The following CDHR3 variants were observed in gnomAD, a reference collection of about 807,000 sequenced individuals.
CDHR3 encodes the protein cadherin-related family member 3.
Under a neutral mutation model 86.6 loss-of-function variants are expected in CDHR3, and 79 were observed. The ratio of observed to expected loss-of-function variants is 0.91; its 90% confidence interval spans 0.76 to 1.10. CDHR3 has a LOEUF of 1.10. Among genes scored for constraint, CDHR3 ranks in the 50% least tolerant of loss-of-function variants. CDHR3 has a pLI of 0.00. For missense variants in CDHR3, 1,081 were observed against 1,077.6 expected (o/e 1.00, Z -0.04); for synonymous variants, 421 against 402.4 (o/e 1.05, Z -0.55).
chr7:106,028,620 T>C, intron 17 of CDHR3, 38 bp downstream of exon 17: 1 of 1,612,330 alleles, frequency 6.2e-7, no homozygotes, highest in Non-Finnish European at 8.5e-7. Context: ...GCATAGACGC[T>C]GGGGGATAGG....
Position 105,974,871 on chromosome 7 carries a change from T to A in CDHR3, c.74T>A (p.Leu25Ter). 6.2e-7 allele frequency: 1 copy of A among 1,613,674 alleles called. No homozygotes were observed. The highest frequency in any genetic ancestry group is 8.5e-7 in the Non-Finnish European group (1 of 1,179,722). ...GGAGAAGCACTACACCTAATCCTCT[T>A]ACCTGCTACAGGCAATGTGGCAGAG... ...SGGEALHLIL[L>*]PATGNVAENS... Residue 25 changes from leucine to a stop codon, truncating the protein, a stop_gained, in exon 2 of 19, where the codon TTA (leucine) becomes TAA (stop). Transcript: ENST00000317716. LOFTEE classifies it high-confidence loss of function.
intron 6 of CDHR3, among the ~76,000 whole-genome samples, chr7:105,998,064 G>A (rs1832542969): frequency 6.6e-6 from 1 of 152,088 alleles, no homozygotes; most frequent in African/African-American, 2.4e-5. Context: ...CCCAGGCTTG[G>A]CTCAGGCAGT....
In CDHR3 at chr7:106,032,718, T is replaced by C; in HGVS notation, c.*21T>C. 6.3e-7 allele frequency: 1 copy of C among 1,589,258 alleles called. No homozygotes were observed. Among genetic ancestry groups the C allele is most frequent in the Admixed American group, 1.7e-5 (1 of 57,770 alleles). ...AGTAAACGGGGTCTAAGGAGGGGCC[T>C]GTCAATCACTGAGATGCTGCCTCAC... is the stretch of plus-strand genomic sequence containing the variant. On this transcript the variant is annotated 3_prime_UTR_variant, in exon 19 of 19. Coordinates refer to ENST00000317716, the MANE Select transcript of CDHR3 (RefSeq NM_152750.5).
At position 106,017,586 on chromosome 7, in the gene CDHR3, C is replaced by CAT. The variant is rs1232169790; in HGVS notation, c.1427-259_1427-258insTA. ...ACAGACACACACACACACACACACA[C>CAT]ACACACACACACACACACACACAAA... On this transcript the variant is annotated intron_variant, in intron 11 of 18. Transcript: ENST00000317716. Among the ~76,000 whole-genome samples, 28 of 151,612 alleles carry CAT rather than the reference C, an allele frequency of 1.8e-4. 1 individual carries two copies. Among genetic ancestry groups the CAT allele is most frequent in the African/African-American group, 6.0e-4 (25 of 41,350 alleles).
chr7:105,980,173 T>C (rs1385132021), intron 2 of CDHR3, among the ~76,000 whole-genome samples: 2 of 152,232 alleles, frequency 1.3e-5, no homozygotes, highest in African/African-American at 4.8e-5. Context: ...TCATCTCTTG[T>C]TTATTTTTGG....
At chr7:105,976,871 C>A (rs551924799) in intron 2 of CDHR3, among the ~76,000 whole-genome samples, 2 of 152,092 alleles carry the variant, frequency 1.3e-5, no homozygotes, top group South Asian at 2.1e-4. Flanking sequence ...GTTGTCTCCA[C>A]GTGGGAGTTC....
chr7:106,022,340 C>T lies in CDHR3; in HGVS notation c.1968C>T (p.Asn656=), dbSNP rs375366604. The stretch of plus-strand genomic sequence containing the variant: ...TACTTGTCTACGTAACTGATGACAA[C>T]TTGATGTCTGACAGGAAGAAAGCGG... ...YKLLVYVTDD[N]LMSDRKKAEA... Residue 656 remains asparagine (N), a synonymous_variant, in exon 14 of 19, where the codon AAC becomes AAT. Transcript: ENST00000317716. 41 of 1,613,890 alleles carry T rather than the reference C, an allele frequency of 2.5e-5. No individual in the cohort carries two copies. The highest frequency in any genetic ancestry group is 3.4e-5 in the Non-Finnish European group (40 of 1,179,908).
rs760293277 is a variant in CDHR3, at chr7:106,004,535, A to C, written c.900A>C (p.Arg300=). The C allele has an allele frequency of 1.2e-6, 2 of 1,614,018 alleles. No individual in the cohort carries two copies. The highest frequency in any genetic ancestry group is 2.2e-5 in the South Asian group (2 of 91,076). The change falls in exon 8 of 19, where the codon CGA becomes CGC. Residue 300 remains arginine (R), a synonymous_variant. Transcript: ENST00000317716. The part of the protein sequence containing the change: ...GTIQVAQRID[R]DAGELRQNPT... ...TCCAAGTGGCCCAAAGGATAGACCG[A>C]GATGCAGGTGAATTGAGACAAAATC...
At position 106,030,792 on chromosome 7, in the gene CDHR3, G is replaced by A. The variant is rs1212566823; in HGVS notation, c.2305G>A (p.Glu769Lys). The part of the protein sequence containing the change: ...TKTAERDVVV[E>K]TIQMNTIFDG... ...GATGCTGTCTCTGTCTTCTCCTTAG[G>A]AAACTATCCAGATGAACACTATCTT... The change falls in exon 18 of 19, where the codon GAA (glutamate) becomes AAA (lysine). Residue 769 changes from glutamate to lysine, a missense_variant and splice_region_variant. Transcript: ENST00000317716. The surrounding 1 kb of genome is among the most constrained non-coding windows in gnomAD (Gnocchi z 4.8). The A allele has an allele frequency of 6.2e-7, 1 of 1,610,542 alleles. No individual in the cohort carries two copies. The highest frequency in any genetic ancestry group is 1.3e-5 in the African/African-American group (1 of 74,880).
Position 106,032,910 on chromosome 7 carries a change from T to C in CDHR3, c.*213T>C. ...TCTGAAATGATACAGGAACATTTTC[T>C]ATCAGATTTCAGAACTACCTGTGCT... On this transcript the variant is annotated 3_prime_UTR_variant, in exon 19 of 19. Coordinates refer to ENST00000317716, the MANE Select transcript of CDHR3 (RefSeq NM_152750.5). 1 of 547,828 alleles carries C rather than the reference T, an allele frequency of 1.8e-6. No homozygotes were observed. The highest frequency in any genetic ancestry group is 2.9e-5 in the East Asian group (1 of 34,628). The allele number at this position is 547,828 out of a possible 1,614,324, so 33.9% of individuals were successfully genotyped here.
At chr7:105,973,043 A>G (rs2115630172) in intron 1 of CDHR3, among the ~76,000 whole-genome samples, 1 of 152,326 alleles carries the variant, frequency 6.6e-6, no homozygotes, top group African/African-American at 2.4e-5. Context: ...TATACCTTTC[A>G]GTGGGACAGA....
At position 106,004,704 on chromosome 7, in the gene CDHR3, A is replaced by T; in HGVS notation, c.1052+17A>T. 6.2e-7 allele frequency: 1 copy of T among 1,613,650 alleles called. No homozygotes were observed. The highest frequency in any genetic ancestry group is 2.2e-5 in the East Asian group (1 of 44,884). Reference sequence around the variant, plus strand: ...CACCTTCAGGTATGCACACTTTGAAAGTTGGGCTGGACATTCTATCTCTTT... The same window carrying T: ...CACCTTCAGGTATGCACACTTTGAATGTTGGGCTGGACATTCTATCTCTTT... On this transcript the variant is annotated intron_variant, in intron 8 of 18. Transcript: ENST00000317716.
chr7:106,022,371 C>A lies in CDHR3; in HGVS notation c.1999C>A (p.Leu667Ile), dbSNP rs765106799. The change falls in exon 14 of 19, where the codon CTT becomes ATT. Residue 667 changes from leucine to isoleucine, a missense_variant. By Grantham distance (5) the Leu-to-Ile change is conservative (BLOSUM62 2). Transcript: ENST00000317716. ...GTCTGACAGGAAGAAAGCGGAGGCT[C>A]TTGTTGAGACAGGAACAGTGACACT... ...LMSDRKKAEA[L>I]VETGTVTLSI... 1.2e-6 allele frequency: 2 copies of A among 1,614,014 alleles called. No homozygotes were observed. Among genetic ancestry groups the A allele is most frequent in the Admixed American group, 3.3e-5 (2 of 60,030 alleles).
At chr7:105,967,965 A>T (rs2727753) in intron 1 of CDHR3, among the ~76,000 whole-genome samples, 39,494 of 151,992 alleles carry the variant, frequency 0.26, 5,772 homozygotes, top group East Asian at 0.68. Flanking sequence ...TTTAATTAGA[A>T]CCGATTTGAC....
intron 2 of CDHR3, among the ~76,000 whole-genome samples, chr7:105,975,911 C>A (rs1055095354): frequency 1.1e-4 from 16 of 152,166 alleles, no homozygotes; most frequent in African/African-American, 3.6e-4. Flanking sequence ...CTCAGCTTAT[C>A]ATTAGTCACT....
chr7:105,973,849 C>A (rs1278842323), intron 1 of CDHR3, among the ~76,000 whole-genome samples: 1 of 152,160 alleles, frequency 6.6e-6, no homozygotes, highest in East Asian at 1.9e-4. Flanking sequence ...CACCTGTAAT[C>A]ACAGCTGCTT....
At chr7:105,968,778 T>C (rs746004858) in intron 1 of CDHR3, among the ~76,000 whole-genome samples, 3 of 152,212 alleles carry the variant, frequency 2.0e-5, no homozygotes, top group Non-Finnish European at 4.4e-5. Flanking sequence ...AGTCAAGGCA[T>C]GAAGCATGCT....
chr7:106,016,212 G>A (rs1031673325), intron 11 of CDHR3, among the ~76,000 whole-genome samples, 187 bp downstream of exon 11: 3 of 152,152 alleles, frequency 2.0e-5, no homozygotes, highest in Non-Finnish European at 4.4e-5. Flanking sequence ...GAGCCCTTCA[G>A]GTGAAACTTG....
At chr7:106,027,028 G>C (rs1270625439) in intron 16 of CDHR3, among the ~76,000 whole-genome samples, 1 of 152,202 alleles carries the variant, frequency 6.6e-6, no homozygotes, top group Non-Finnish European at 1.5e-5. Flanking sequence ...ATGTAGACAG[G>C]ACCTGCTTAC....
Sources: gnomAD v4.1 joint callset for allele counts (sites outside exome capture counted in the v4.1 genomes callset) on GRCh38, gnomAD v4.1.1 for gene constraint, Gnocchi (gnomAD v3.1) non-coding constraint, MANE v1.5 for transcripts, NCBI Gene and HGNC (gene_info 2026-07-23, HGNC 2026-07-21) for gene names.